Variants in NAALADL2 observed in about 807,000 individuals in gnomAD.
The protein encoded by NAALADL2 is inactive N-acetylated-alpha-linked acidic dipeptidase-like protein 2.
A neutral mutation model predicts 87.2 loss-of-function variants in NAALADL2; 76 were observed. The ratio of observed to expected loss-of-function variants is 0.87; its 90% CI spans 0.72 to 1.05. The LOEUF is 1.05. Ranked by LOEUF, NAALADL2 falls within the 50% of genes least tolerant of loss-of-function variation. The probability of loss-of-function intolerance (pLI) is 0.00; values close to 1 mark genes in which losing one functional copy is unlikely to be tolerated. For synonymous variants in NAALADL2, 354 were observed against 331.0 expected, an observed-to-expected ratio of 1.07 and a Z score of -0.75; for missense variants, 1,089 against 945.8, an observed-to-expected ratio of 1.15 and a Z score of -1.99.
intron 3 of NAALADL2, among the ~76,000 whole-genome samples, chr3:174,749,784 A>G (rs1734641257): frequency 1.3e-5 from 2 of 152,164 alleles, no homozygotes; most frequent in South Asian, 2.1e-4. Flanking sequence ...GGCACTCAAC[A>G]TACCTAAGAT....
intron 11 of NAALADL2, among the ~76,000 whole-genome samples, chr3:175,666,949 T>C (rs1733083187): frequency 6.6e-6 from 1 of 152,016 alleles, no homozygotes; most frequent in African/African-American, 2.4e-5. Context: ...TAGACCTCTG[T>C]AGTTTTCAGA....
intron 2 of NAALADL2, among the ~76,000 whole-genome samples, chr3:174,729,597 A>G (rs749248245): frequency 2.6e-5 from 4 of 152,046 alleles, no homozygotes; most frequent in Non-Finnish European, 5.9e-5. Flanking sequence ...ATGCTAGGAC[A>G]TTGTTGGGTA....
chr3:175,354,815 G>A (rs529726150), intron 5 of NAALADL2, among the ~76,000 whole-genome samples: 84 of 150,750 alleles, frequency 5.6e-4, no homozygotes, highest in African/African-American at 2.0e-3. Context: ...ACTATGCCCA[G>A]TTGCATATAT....
intron 8 of NAALADL2, among the ~76,000 whole-genome samples, chr3:175,469,487 G>A (rs1582021122): frequency 6.6e-6 from 1 of 151,992 alleles, no homozygotes; most frequent in South Asian, 2.1e-4. Flanking sequence ...GTAGTTAAGA[G>A]GATTAGATGA....
intron 1 of NAALADL2, among the ~76,000 whole-genome samples, chr3:174,897,395 T>C (rs941709877): frequency 2.0e-5 from 3 of 147,226 alleles, no homozygotes; most frequent in Non-Finnish European, 4.4e-5. Flanking sequence ...AACATACAAA[T>C]GGCAAACTGG....
chr3:175,169,456 A>AATAT (rs141242519), intron 2 of NAALADL2, among the ~76,000 whole-genome samples: 4,155 of 147,088 alleles, frequency 0.028, 165 homozygotes, highest in African/African-American at 0.094. Flanking sequence ...TAGTTGTAAG[A>AATAT]ATATATATAT....
At chr3:175,668,563 G>A (rs1013070691) in intron 11 of NAALADL2, among the ~76,000 whole-genome samples, 1 of 151,884 alleles carries the variant, frequency 6.6e-6, no homozygotes, top group Non-Finnish European at 1.5e-5. Flanking sequence ...ATTAATGAGA[G>A]GAAAGAAAAC....
At chr3:175,257,547 A>G (rs1383258657) in intron 4 of NAALADL2, among the ~76,000 whole-genome samples, 1 of 150,032 alleles carries the variant, frequency 6.7e-6, no homozygotes, top group Non-Finnish European at 1.5e-5. Context: ...ATTTTAACCC[A>G]GAATTTCCTG....
intron 4 of NAALADL2, among the ~76,000 whole-genome samples, chr3:175,301,757 C>T (rs889977513): frequency 3.9e-5 from 6 of 152,304 alleles, no homozygotes; most frequent in African/African-American, 1.4e-4. Context: ...TGGAATATAT[C>T]TCTAAAGTAA....
intron 1 of NAALADL2, among the ~76,000 whole-genome samples, chr3:174,529,354 C>G (rs1721039296): frequency 6.6e-6 from 1 of 152,174 alleles, no homozygotes; most frequent in Non-Finnish European, 1.5e-5. Context: ...CCCTGTGGCT[C>G]TGCAGGGTAA....
intron 2 of NAALADL2, among the ~76,000 whole-genome samples, chr3:174,711,711 A>G (rs556534015): frequency 1.5e-4 from 23 of 152,298 alleles, no homozygotes; most frequent in Non-Finnish European, 2.8e-4. Flanking sequence ...AATCACAAGC[A>G]TTGGATTCTC....
At chr3:174,607,863 A>AT (rs1190374862) in intron 2 of NAALADL2, among the ~76,000 whole-genome samples, 5 of 151,778 alleles carry the variant, frequency 3.3e-5, no homozygotes, top group Admixed American at 6.6e-5. Flanking sequence ...CAGAATATAC[A>AT]TTTTTTTCAG....
intron 1 of NAALADL2, among the ~76,000 whole-genome samples, chr3:175,055,426 C>T (rs975441083): frequency 6.6e-6 from 1 of 152,192 alleles, no homozygotes; most frequent in African/African-American, 2.4e-5. Flanking sequence ...TCCACAGACT[C>T]CTGTTGGGAC....
At chr3:175,025,113 A>G (rs1248146735) in intron 1 of NAALADL2, among the ~76,000 whole-genome samples, 1 of 152,150 alleles carries the variant, frequency 6.6e-6, no homozygotes, top group African/African-American at 2.4e-5. Context: ...TTGATTTTAG[A>G]TATTCAAGCT....
chr3:175,191,308 G>A (rs547254773), intron 2 of NAALADL2, among the ~76,000 whole-genome samples: 2 of 152,232 alleles, frequency 1.3e-5, no homozygotes, highest in African/African-American at 4.8e-5. Context: ...AAATAGTTGA[G>A]GCAATAAAAA....
intron 2 of NAALADL2, among the ~76,000 whole-genome samples, chr3:175,173,751 C>G (rs1037972059): frequency 2.6e-5 from 4 of 152,176 alleles, no homozygotes; most frequent in African/African-American, 9.7e-5. Context: ...GTTGCAAGCA[C>G]GTTTATTAGT....
chr3:174,921,144 GA>G (rs369805190), intron 1 of NAALADL2, among the ~76,000 whole-genome samples: 1 of 152,090 alleles, frequency 6.6e-6, no homozygotes, highest in African/African-American at 2.4e-5. Context: ...CATGCTATTG[GA>G]AAAAAATGGC....
chr3:175,171,178 G>A (rs971204445), intron 2 of NAALADL2, among the ~76,000 whole-genome samples: 2 of 151,952 alleles, frequency 1.3e-5, no homozygotes, highest in Admixed American at 6.6e-5. Flanking sequence ...TAGGTCAGGT[G>A]CTATTATTCT....
In NAALADL2 at chr3:175,393,280, CAAAAAAAAAAAAAAAAAAA is replaced by C. The variant is rs775778803; in HGVS notation, c.1091-53931_1091-53913del. On this transcript the variant is annotated intron_variant, in intron 5 of 13. Transcript: ENST00000454872. ...TGGGCGACAGAGCGAGACTCCGTCTCAAAAAAAAAAAAAAAAAAAAAAAAAAAAAAAAAAAATTGTAGAG... is the reference window on the plus strand; with the variant it reads ...TGGGCGACAGAGCGAGACTCCGTCTCAAAAAAAAAAAAAAAAATTGTAGAG... Among the ~76,000 whole-genome samples the C allele has an allele frequency of 9.8e-3, 289 of 29,518 alleles. 3 individuals are homozygous for C. The highest frequency in any genetic ancestry group is 0.083 in the Middle Eastern group (2 of 24). The allele number at this position is 29,518 out of a possible 152,430, so 19.4% of individuals were successfully genotyped here. A position where few individuals can be genotyped will look rare whatever the true frequency, so the allele number is the denominator to read the frequency against.
Sources: allele counts gnomAD v4.1 joint callset (sites outside exome capture counted in the v4.1 genomes callset), GRCh38; gene constraint gnomAD v4.1.1; transcripts MANE v1.5; gene names NCBI Gene and HGNC (gene_info 2026-07-23, HGNC 2026-07-21).